GPHN: variants seen among roughly 807,000 people sequenced by gnomAD.
The protein encoded by GPHN is gephyrin.
In GPHN, 17 loss-of-function variants were observed where a neutral mutation model predicts 95.5. That is an observed-to-expected ratio of 0.18 (90% CI 0.12 to 0.27). The LOEUF (loss-of-function observed/expected upper bound fraction) is 0.27. Among genes scored for constraint, GPHN ranks in the 10% least tolerant of loss-of-function variants. GPHN has a pLI of 1.00. For synonymous variants in GPHN, 320 were observed against 322.5 expected (o/e 0.99, Z 0.08); for missense variants, 660 against 978.1 (o/e 0.67, Z 4.34).
intron 1 of GPHN, among the ~76,000 whole-genome samples, chr14:66,568,767 A>G (rs1438070735): frequency 1.3e-5 from 2 of 152,096 alleles, no homozygotes; most frequent in Non-Finnish European, 2.9e-5. Flanking sequence ...CTATTCCTCA[A>G]ACATATCTTT....
chr14:67,327,167 T>G, the GPHN span, among the ~76,000 whole-genome samples: 5 of 151,750 alleles, frequency 3.3e-5, no homozygotes, highest in African/African-American at 9.7e-5. Flanking sequence ...AGAGTAAGAC[T>G]CTCAAAAAAA....
intron 2 of GPHN, among the ~76,000 whole-genome samples, chr14:66,687,401 T>C (rs1385760526): frequency 6.6e-6 from 1 of 152,174 alleles, no homozygotes; most frequent in African/African-American, 2.4e-5. Flanking sequence ...ATTGGTATTT[T>C]GATAGAGATT....
the GPHN span, chr14:67,292,767 G>A: frequency 1.2e-5 from 16 of 1,390,362 alleles, no homozygotes; most frequent in African/African-American, 2.0e-4. Context: ...AATTAGTAGT[G>A]GCAGGAAGGC....
At chr14:67,506,939 G>A in the GPHN span, among the ~76,000 whole-genome samples, 52 of 152,206 alleles carry the variant, frequency 3.4e-4, no homozygotes, top group African/African-American at 1.2e-3. Flanking sequence ...AGCTGAGATC[G>A]TGCCACTGCA....
chr14:67,032,622 A>G (rs1299640018), intron 10 of GPHN, among the ~76,000 whole-genome samples: 1 of 152,160 alleles, frequency 6.6e-6, no homozygotes, highest in Admixed American at 6.5e-5. Flanking sequence ...GACAGACACC[A>G]TTGAGAGCAA....
intron 16 of GPHN, among the ~76,000 whole-genome samples, chr14:67,114,309 G>A (rs1447115860): frequency 6.6e-6 from 1 of 152,086 alleles, no homozygotes; most frequent in Non-Finnish European, 1.5e-5. Flanking sequence ...TGTTAAACTG[G>A]TTGACTCAGT....
the GPHN span, among the ~76,000 whole-genome samples, chr14:67,490,685 A>G: frequency 2.0e-5 from 3 of 151,928 alleles, no homozygotes; most frequent in Admixed American, 6.6e-5. Context: ...TAAAAATCAG[A>G]TCTCTCTCCC....
At chr14:67,360,873 C>T in the GPHN span, 2 of 152,144 alleles carry the variant, frequency 1.3e-5, no homozygotes, top group Admixed American at 1.3e-4. Flanking sequence ...ACAGCTCTAC[C>T]AAAAATTTCC....
At chr14:66,610,346 T>C (rs2062727412) in intron 1 of GPHN, among the ~76,000 whole-genome samples, 1 of 152,162 alleles carries the variant, frequency 6.6e-6, no homozygotes, top group East Asian at 1.9e-4. Context: ...AGCCATTCAG[T>C]GGCAGGAACT....
At chr14:67,731,956 T>C in the GPHN span, among the ~76,000 whole-genome samples, 6 of 151,758 alleles carry the variant, frequency 4.0e-5, no homozygotes, top group African/African-American at 1.4e-4. Flanking sequence ...TGTAACCCCA[T>C]CTCTACTAAA....
chr14:67,444,477 G>C, the GPHN span, among the ~76,000 whole-genome samples: 1 of 152,136 alleles, frequency 6.6e-6, no homozygotes, highest in Non-Finnish European at 1.5e-5. Context: ...GTATGATAGA[G>C]GAAAAATATA....
chr14:66,889,579 A>G (rs1459957280), intron 5 of GPHN, among the ~76,000 whole-genome samples: 1 of 152,144 alleles, frequency 6.6e-6, no homozygotes, highest in Non-Finnish European at 1.5e-5. Context: ...TAAAACAAAA[A>G]TGCAACATAC....
At chr14:66,553,007 T>TTTTTTTTTTTTTTTTTTTTG (rs1566591596) in intron 1 of GPHN, among the ~76,000 whole-genome samples, 7 of 151,878 alleles carry the variant, frequency 4.6e-5, no homozygotes, top group African/African-American at 1.5e-4. Context: ...TTTCTTTTTT[T>TTTTTTTTTTTTTTTTTTTTG]AGACAAGAGT....
At chr14:67,513,202 G>C in the GPHN span, among the ~76,000 whole-genome samples, 3 of 152,210 alleles carry the variant, frequency 2.0e-5, no homozygotes, top group Admixed American at 1.3e-4. Flanking sequence ...TGGAGGCTCG[G>C]AGGTCAGGCC....
At chr14:67,339,709 A>G in the GPHN span, among the ~76,000 whole-genome samples, 1 of 152,212 alleles carries the variant, frequency 6.6e-6, no homozygotes, top group South Asian at 2.1e-4. Flanking sequence ...TCTCCTGAAC[A>G]TGAAATACAT....
chr14:67,603,223 C>A, the GPHN span, among the ~76,000 whole-genome samples: 1 of 152,166 alleles, frequency 6.6e-6, no homozygotes. Flanking sequence ...GCACACTCTA[C>A]CACATCAGGC....
intron 10 of GPHN, among the ~76,000 whole-genome samples, chr14:67,049,518 T>C (rs1386278869): frequency 2.1e-5 from 3 of 140,426 alleles, no homozygotes; most frequent in East Asian, 2.0e-4. Flanking sequence ...CTGTGACAAC[T>C]TTTTTTTTTT....
At chr14:66,637,896 G>T (rs1278712893) in intron 1 of GPHN, among the ~76,000 whole-genome samples, 1 of 151,970 alleles carries the variant, frequency 6.6e-6, no homozygotes, top group Non-Finnish European at 1.5e-5. Flanking sequence ...TTACTTTTGA[G>T]TTTCTGTTTT....
intron 3 of GPHN, among the ~76,000 whole-genome samples, chr14:66,799,239 G>T (rs748347108): frequency 6.6e-6 from 1 of 151,856 alleles, no homozygotes; most frequent in Non-Finnish European, 1.5e-5. Context: ...CCTAACATAT[G>T]GTCTATTCTA....
Sources: gnomAD v4.1 joint callset for allele counts (sites outside exome capture counted in the v4.1 genomes callset) on GRCh38, gnomAD v4.1.1 for gene constraint, MANE v1.5 for transcripts, NCBI Gene and HGNC (gene_info 2026-07-23, HGNC 2026-07-21) for gene names.